The following ZNF83 variants were observed in gnomAD, a reference collection of about 807,000 sequenced individuals.
ZNF83 encodes the protein zinc finger protein 83.
For synonymous variants in ZNF83, 209 were observed against 213.0 expected, an observed-to-expected ratio of 0.98 and a Z score of 0.17; for missense variants, 552 against 629.9, an observed-to-expected ratio of 0.88 and a Z score of 1.32.
At chr19:52,627,670 T>C (rs1192183231) in intron 2 of ZNF83, among the ~76,000 whole-genome samples, 1 of 152,010 alleles carries the variant, frequency 6.6e-6, no homozygotes, top group East Asian at 1.9e-4. Flanking sequence ...AATAAATAAA[T>C]ATTGGGTACT....
intron 2 of ZNF83, chr19:52,655,742 A>G: frequency 1.4e-6 from 1 of 724,670 alleles, no homozygotes; most frequent in South Asian, 1.7e-5. Context: ...TTACCTTCAC[A>G]CAAAATGAGA....
intron 3 of ZNF83, chr19:52,654,537 G>A (rs756075800): frequency 3.4e-5 from 15 of 443,920 alleles, no homozygotes; most frequent in South Asian, 6.0e-5. Context: ...CAAAGTTTAA[G>A]AACACCCTGT....
intron 2 of ZNF83, among the ~76,000 whole-genome samples, chr19:52,658,619 C>G (rs547672578): frequency 6.6e-6 from 1 of 152,264 alleles, no homozygotes; most frequent in Admixed American, 6.5e-5. Flanking sequence ...AGGGAATAGT[C>G]ACAAACCTTT....
At position 52,614,272 on chromosome 19, in the gene ZNF83, C is replaced by T. The variant is rs141660131; in HGVS notation, c.293G>A (p.Arg98His). The T allele has an allele frequency of 3.1e-5, 50 of 1,613,976 alleles. No homozygotes were observed. The African/African-American group carries it at 3.6e-4, about 12-fold the overall frequency. ...TAAGCCTTGATGAAAGGCCTTGCCA[C>T]GCTCACTACATTTGTAGTGTTCTGT... Residue 98 changes from arginine to histidine, a missense_variant, in exon 3 of 3, where the codon CGT becomes CAT. Transcript: ENST00000301096.
At chr19:52,623,983 C>A (rs768769114) in intron 2 of ZNF83, among the ~76,000 whole-genome samples, 4 of 152,128 alleles carry the variant, frequency 2.6e-5, no homozygotes, top group Non-Finnish European at 5.9e-5. Context: ...TGATCTTAAA[C>A]ATGCTTTTTT....
At chr19:52,635,563 T>C (rs2061117746) in intron 1 of ZNF83, 1 of 153,052 alleles carries the variant, frequency 6.5e-6, no homozygotes, top group Admixed American at 6.5e-5. Context: ...TTGCCAAAAA[T>C]ACAAAAACAT....
chr19:52,652,056 G>T, intron 3 of ZNF83: 2 of 238,970 alleles, frequency 8.4e-6, no homozygotes, highest in South Asian at 1.2e-4. Context: ...AGTGACCTCA[G>T]ACTAAAGACA....
intron 1 of ZNF83, among the ~76,000 whole-genome samples, chr19:52,690,148 G>A (rs2062127215): frequency 1.3e-5 from 2 of 149,542 alleles, no homozygotes; most frequent in Admixed American, 1.3e-4. Context: ...ACGTTAAAAA[G>A]CGCGGGGCGG....
intron 2 of ZNF83, among the ~76,000 whole-genome samples, chr19:52,633,157 C>T (rs1271829800): frequency 6.6e-6 from 1 of 152,162 alleles, no homozygotes; most frequent in Non-Finnish European, 1.5e-5. Context: ...GAAATTCCTT[C>T]TCCTGGCTCA....
At chr19:52,618,955 A>C in intron 2 of ZNF83, 5 of 1,545,536 alleles carry the variant, frequency 3.2e-6, no homozygotes, top group Non-Finnish European at 4.4e-6. Context: ...CCAGGTTCCT[A>C]TAATTCTCCA....
At chr19:52,688,867 C>T (rs890304497) in intron 1 of ZNF83, among the ~76,000 whole-genome samples, 6 of 148,866 alleles carry the variant, frequency 4.0e-5, no homozygotes, top group Non-Finnish European at 8.9e-5. Context: ...ACATCAAGAA[C>T]GGTTACAGGA....
At chr19:52,679,887 AG>A (rs1489723451) in intron 1 of ZNF83, among the ~76,000 whole-genome samples, 1 of 152,162 alleles carries the variant, frequency 6.6e-6, no homozygotes, top group Non-Finnish European at 1.5e-5. Flanking sequence ...GTACATCAAA[AG>A]CATGTATGGG....
chr19:52,640,589 C>T (rs1013638808), upstream of ZNF83, among the ~76,000 whole-genome samples: 10 of 152,232 alleles, frequency 6.6e-5, no homozygotes, highest in African/African-American at 2.2e-4. Flanking sequence ...GCAATCTCAG[C>T]TCACTGCAAC....
Position 52,654,712 on chromosome 19 carries a change from C to T in ZNF83, c.-74+849G>A, listed in dbSNP as rs199877220. On this transcript the variant is annotated intron_variant, in intron 3 of 5. Transcript: ENST00000594682. ...AGCCTGGGCAACAAGAGCAAAATTCCATGTCAAACAGAGTTCAGTCAAGAG... is the reference window on the plus strand; with the variant it reads ...AGCCTGGGCAACAAGAGCAAAATTCTATGTCAAACAGAGTTCAGTCAAGAG... Among the ~76,000 whole-genome samples, 33 of 151,358 alleles carry T rather than the reference C, an allele frequency of 2.2e-4. No homozygotes were observed. In the East Asian group the frequency reaches 4.4e-3, roughly 20 times the overall value.
chr19:52,678,806 T>C (rs528449074), intron 1 of ZNF83, among the ~76,000 whole-genome samples: 1 of 151,980 alleles, frequency 6.6e-6, no homozygotes, highest in East Asian at 1.9e-4. Context: ...AAAACCTGTC[T>C]CTACTAAAAA....
chr19:52,639,518 A>G (rs1426795744), upstream of ZNF83, among the ~76,000 whole-genome samples: 2 of 137,806 alleles, frequency 1.5e-5, no homozygotes, highest in Non-Finnish European at 3.0e-5. Flanking sequence ...CCTGGGTTGA[A>G]CCGATTTTCC....
In ZNF83 at chr19:52,665,749, T is replaced by C. The variant is rs575797900; in HGVS notation, c.-282-4906A>G. ...GCCTGTGCGGTCTAATCCTAGCCGA[T>C]AGGGGAATGACACAGCAGCAGGGGC... is the stretch of plus-strand genomic sequence containing the variant. On this transcript the variant is annotated intron_variant, in intron 1 of 5. Transcript: ENST00000594682. Among the ~76,000 whole-genome samples the C allele has an allele frequency of 4.6e-5, 7 of 152,242 alleles. No homozygotes were observed. In the East Asian group the frequency reaches 5.8e-4, roughly 13 times the overall value.
intron 2 of ZNF83, among the ~76,000 whole-genome samples, chr19:52,627,348 A>G (rs1287927280): frequency 6.7e-6 from 1 of 149,262 alleles, no homozygotes; most frequent in Non-Finnish European, 1.5e-5. Flanking sequence ...GGGTGGGAGG[A>G]AGGAGAGGCA....
At chr19:52,686,483 A>ACC (rs1431483452) in intron 1 of ZNF83, among the ~76,000 whole-genome samples, 3 of 123,280 alleles carry the variant, frequency 2.4e-5, no homozygotes, top group Non-Finnish European at 5.1e-5. Flanking sequence ...TATATATATA[A>ACC]ATAAATGAGA....
Sources: gnomAD v4.1 joint callset for allele counts (sites outside exome capture counted in the v4.1 genomes callset) on GRCh38, gnomAD v4.1.1 for gene constraint, MANE v1.5 for transcripts, NCBI Gene and HGNC (gene_info 2026-07-23, HGNC 2026-07-21) for gene names.